HOGA1: variants seen among roughly 807,000 people sequenced by gnomAD.
The protein encoded by HOGA1 is 4-hydroxy-2-oxoglutarate aldolase, mitochondrial.
HOGA1 carries 30 observed loss-of-function variants against 34.3 expected under a neutral mutation model. The ratio of observed to expected loss-of-function variants is 0.87; its 90% confidence interval spans 0.65 to 1.19. HOGA1 has a LOEUF of 1.19. Ranked by LOEUF, HOGA1 falls within the 50% of genes most tolerant of loss-of-function variation. The pLI is 0.00. For missense variants in HOGA1, 417 were observed against 436.5 expected (o/e 0.96, Z 0.40); for synonymous variants, 161 against 174.0 (o/e 0.93, Z 0.59).
intron 1 of HOGA1, among the ~76,000 whole-genome samples, chr10:97,585,186 A>G (rs1229179152): frequency 1.3e-5 from 2 of 152,164 alleles, no homozygotes; most frequent in Non-Finnish European, 2.9e-5. Flanking sequence ...TCCCAGAGTG[A>G]TTCTGAGGTT....
At chr10:97,590,160 C>T in intron 1 of HOGA1, 1 of 1,614,128 alleles carries the variant, frequency 6.2e-7, no homozygotes, top group East Asian at 2.2e-5. Context: ...GTGGGCTCCG[C>T]TCTGCACCGG....
chr10:97,601,916 G>C lies in HOGA1; in HGVS notation c.760G>C (p.Glu254Gln). The C allele has an allele frequency of 6.2e-7, 1 of 1,613,010 alleles. No individual in the cohort carries two copies. Among genetic ancestry groups the C allele is most frequent in the Non-Finnish European group, 8.5e-7 (1 of 1,180,016 alleles). Residue 254 changes from glutamate to glutamine, a missense_variant, in exon 6 of 7, where the codon GAG becomes CAG. Coordinates refer to ENST00000370646, the MANE Select transcript of HOGA1 (RefSeq NM_138413.4). Reference protein sequence around the residue: ...NVLGAQVCQLERLCCTGQWED... With the variant: ...NVLGAQVCQLQRLCCTGQWED... ...CCTGGGGGCTCAGGTGTGCCAGCTG[G>C]AGCGACTGTGCTGCACGGGGCAATG...
rs147978301 is a variant in HOGA1, at chr10:97,596,406, C to T, written c.212-2369C>T. 2.5e-3 allele frequency among the ~76,000 whole-genome samples: 385 copies of T among 152,298 alleles called. 2 individuals carry two copies. In the Middle Eastern group the frequency reaches 0.044, roughly 17 times the overall value. ...AGCAAGAACCTGCCCCAGCCCAGGA[C>T]GGCAGGCAGGGTTGGGGAGGAAGAT... On this transcript the variant is annotated intron_variant, in intron 1 of 6. Transcript: ENST00000370646.
rs777208958 is a variant in HOGA1 at position 97,598,857 on chromosome 10, G to A, written c.294G>A (p.Gln98=). The A allele has an allele frequency of 2.2e-5, 35 of 1,614,040 alleles. No individual in the cohort carries two copies. Among genetic ancestry groups the A allele is most frequent in the Non-Finnish European group, 3.0e-5 (35 of 1,180,044 alleles). Residue 98 remains glutamine (Q), a synonymous_variant, in exon 2 of 7, where the codon CAG becomes CAA. Coordinates refer to ENST00000370646, the MANE Select transcript of HOGA1 (RefSeq NM_138413.4). ...ERLEVVSRVR[Q]AMPKNRLLLA... is the part of the protein sequence containing the mutation. ...TCGAGGTGGTGAGCCGTGTGCGCCAGGCCATGCCCAAGAACAGGCTCCTGC... is the reference window on the plus strand; with the variant it reads ...TCGAGGTGGTGAGCCGTGTGCGCCAAGCCATGCCCAAGAACAGGCTCCTGC...
chr10:97,610,538 AC>A (rs2041186973), intron 6 of HOGA1, among the ~76,000 whole-genome samples: 1 of 152,162 alleles, frequency 6.6e-6, no homozygotes, highest in Admixed American at 6.5e-5. Flanking sequence ...TAATCCTAGC[AC>A]TTTGGGAGGC....
intron 5 of HOGA1, chr10:97,600,957 A>T (rs2041110842): frequency 6.6e-6 from 1 of 152,176 alleles, no homozygotes; most frequent in Non-Finnish European, 1.5e-5. Context: ...TTAAAAATAA[A>T]AAAAAAAGCA....
At chr10:97,590,745 T>C in intron 1 of HOGA1, 1 of 648,622 alleles carries the variant, frequency 1.5e-6, no homozygotes, top group South Asian at 2.0e-5. Context: ...ATGGGCTCTT[T>C]AAACTCCATG....
chr10:97,592,360 T>C (rs546027769), intron 1 of HOGA1, among the ~76,000 whole-genome samples: 27 of 150,756 alleles, frequency 1.8e-4, no homozygotes, highest in Admixed American at 2.0e-4. Context: ...CCTGCCTCAG[T>C]CTCTCGAGTA....
Position 97,599,778 on chromosome 10 carries a change from C to T in HOGA1, c.567C>T (p.His189=). ...PVDAVVTLSQ[H]PNIVGMKDSG... ...ATGCAGTGGTCACGCTTTCCCAGCACCCGAATATTGTGGGCATGAAGGACA... is the reference window on the plus strand; with the variant it reads ...ATGCAGTGGTCACGCTTTCCCAGCATCCGAATATTGTGGGCATGAAGGACA... The change falls in exon 4 of 7, where the codon CAC becomes CAT. Residue 189 remains histidine (H), a synonymous_variant. Transcript: ENST00000370646. 2 of 1,614,184 alleles carry T rather than the reference C, an allele frequency of 1.2e-6. No individual in the cohort carries two copies. The highest frequency in any genetic ancestry group is 1.7e-6 in the Non-Finnish European group (2 of 1,180,040).
intron 5 of HOGA1, 92 bp from the exon 6 acceptor site, chr10:97,601,765 A>AGATC: frequency 6.8e-7 from 1 of 1,468,262 alleles, no homozygotes; most frequent in Non-Finnish European, 9.5e-7. Flanking sequence ...TCTGTATCTA[A>AGATC]TGTCCCCAGG....
At chr10:97,601,407 A>G (rs902135213) in intron 5 of HOGA1, among the ~76,000 whole-genome samples, 1 of 152,142 alleles carries the variant, frequency 6.6e-6, no homozygotes, top group Non-Finnish European at 1.5e-5. Context: ...AGTGCTTTCC[A>G]TGCCCACTGC....
intron 1 of HOGA1, among the ~76,000 whole-genome samples, chr10:97,595,900 G>A (rs1350776368): frequency 1.3e-5 from 2 of 152,078 alleles, no homozygotes; most frequent in African/African-American, 2.4e-5. Flanking sequence ...ACACTAACAG[G>A]GACACATCAG....
chr10:97,611,609 G>A lies in HOGA1; in HGVS notation c.934G>A (p.Ala312Thr), dbSNP rs115431683. Reference protein sequence around the residue: ...CRAPLQELSPAEEEALRMDFT... With the variant: ...CRAPLQELSPTEEEALRMDFT... ...CGCCCCCTTGCAGGAGCTGAGCCCC[G>A]CTGAGGAGGAGGCACTGCGCATGGA... is the stretch of plus-strand genomic sequence containing the variant. Residue 312 changes from alanine (A) to threonine (T), a missense_variant, in exon 7 of 7, where the codon GCT (alanine) becomes ACT (threonine). By Grantham distance (58) the Ala-to-Thr change is moderately conservative (BLOSUM62 0). Transcript: ENST00000370646. The A allele has an allele frequency of 5.3e-5, 85 of 1,613,996 alleles. No individual in the cohort carries two copies. Among genetic ancestry groups the A allele is most frequent in the South Asian group, 3.4e-4 (31 of 91,088 alleles).
In HOGA1 at chr10:97,584,623, C is replaced by T. The variant is rs1231253057; in HGVS notation, c.-81C>T. 1.6e-6 allele frequency: 2 copies of T among 1,263,060 alleles called. No individual in the cohort carries two copies. The highest frequency in any genetic ancestry group is 2.2e-6 in the Non-Finnish European group (2 of 899,906). The allele number at this position is 1,263,060 out of a possible 1,614,324, so 78.2% of individuals were successfully genotyped here. ...CAAATTTTTAACTAGAAACATTGATCATTAATAGGGGGTTAGAAAGAGTTC... is the reference window on the plus strand; with the variant it reads ...CAAATTTTTAACTAGAAACATTGATTATTAATAGGGGGTTAGAAAGAGTTC... On this transcript the variant is annotated 5_prime_UTR_variant, in exon 1 of 7. Coordinates refer to ENST00000370646, the MANE Select transcript of HOGA1 (RefSeq NM_138413.4).
chr10:97,589,748 A>C, intron 1 of HOGA1: 1 of 680,574 alleles, frequency 1.5e-6, no homozygotes, highest in Non-Finnish European at 2.6e-6. Flanking sequence ...CTGCCCTTTC[A>C]AGCATGAATC....
intron 1 of HOGA1, among the ~76,000 whole-genome samples, chr10:97,585,607 C>T (rs1022374685): frequency 1.3e-5 from 2 of 152,204 alleles, no homozygotes; most frequent in African/African-American, 4.8e-5. Flanking sequence ...GACCATCCCA[C>T]AGATGGGAAT....
Position 97,590,656 on chromosome 10 carries a change from C to T in HOGA1, c.211+5742C>T, listed in dbSNP as rs373311969. On this transcript the variant is annotated intron_variant, in intron 1 of 6. Transcript: ENST00000370646. ...TGGCTCACACACACGTCTGTTTTCTCTCCTATGGGGCCATCTATGCAGGCC... is the reference window on the plus strand; with the variant it reads ...TGGCTCACACACACGTCTGTTTTCTTTCCTATGGGGCCATCTATGCAGGCC... The T allele has an allele frequency of 6.7e-6, 9 of 1,341,010 alleles. No homozygotes were observed. The African/African-American group carries it at 1.3e-4, about 19-fold the overall frequency. The allele number at this position is 1,341,010 out of a possible 1,614,324, so 83.1% of individuals were successfully genotyped here. A position where few individuals can be genotyped will look rare whatever the true frequency, so the allele number is the denominator to read the frequency against.
At chr10:97,602,241 C>A (rs1200132425) in intron 6 of HOGA1, 1 of 1,482,264 alleles carries the variant, frequency 6.7e-7, no homozygotes, top group Non-Finnish European at 9.0e-7. Flanking sequence ...AAAGTTCCAA[C>A]TTTTGGGCCC....
chr10:97,606,612 T>C (rs1278914289), intron 6 of HOGA1, among the ~76,000 whole-genome samples: 1 of 152,214 alleles, frequency 6.6e-6, no homozygotes, highest in African/African-American at 2.4e-5. Context: ...TTGATGTATA[T>C]GTCTATCTCT....
Sources: allele counts gnomAD v4.1 joint callset (sites outside exome capture counted in the v4.1 genomes callset), GRCh38; gene constraint gnomAD v4.1.1; transcripts MANE v1.5; gene names NCBI Gene and HGNC (gene_info 2026-07-23, HGNC 2026-07-21).